GPHN: variants seen among roughly 807,000 people sequenced by gnomAD.
GPHN encodes gephyrin.
A neutral mutation model predicts 95.5 loss-of-function variants in GPHN; 17 were observed. The observed-to-expected ratio is 0.18, with a 90% CI of 0.12 to 0.27. The LOEUF (loss-of-function observed/expected upper bound fraction) is 0.27, where lower values mean the gene tolerates loss of function less well. Among genes scored for constraint, GPHN ranks in the 10% least tolerant of loss-of-function variants. The pLI is 1.00. For missense variants in GPHN, 660 were observed against 978.1 expected (o/e 0.67, Z 4.34); for synonymous variants, 320 against 322.5 (o/e 0.99, Z 0.08).
At chr14:66,711,587 C>CTTTT (rs57175111) in intron 2 of GPHN, among the ~76,000 whole-genome samples, 4 of 130,964 alleles carry the variant, frequency 3.1e-5, no homozygotes, top group Non-Finnish European at 6.7e-5. Context: ...AATGGTAGTT[C>CTTTT]TTTTTTTTTT....
the GPHN span, chr14:67,349,196 A>C: frequency 8.4e-7 from 1 of 1,194,868 alleles, no homozygotes; most frequent in South Asian, 1.3e-5. Context: ...AATGAGACCA[A>C]GAGTGAGATG....
the GPHN span, among the ~76,000 whole-genome samples, chr14:67,506,216 C>T: frequency 1.3e-5 from 2 of 152,182 alleles, no homozygotes; most frequent in East Asian, 1.9e-4. Context: ...TGGGACTCTG[C>T]TTCATAAAGC....
chr14:67,584,165 G>A, the GPHN span: 2 of 1,595,032 alleles, frequency 1.3e-6, no homozygotes, highest in Non-Finnish European at 1.7e-6. Flanking sequence ...CCTTAGGTGT[G>A]TCCCCAACTG....
the GPHN span, among the ~76,000 whole-genome samples, chr14:67,672,570 G>A: frequency 1.3e-5 from 2 of 151,134 alleles, no homozygotes; most frequent in African/African-American, 4.9e-5. Flanking sequence ...AGCCTCCTGA[G>A]TAGCTGGGAC....
At chr14:67,403,130 G>A in the GPHN span, among the ~76,000 whole-genome samples, 1 of 152,220 alleles carries the variant, frequency 6.6e-6, no homozygotes. Flanking sequence ...GGGGTGAGAT[G>A]ATATCCCATT....
intron 4 of GPHN, among the ~76,000 whole-genome samples, chr14:66,857,885 T>C (rs2062863564): frequency 6.6e-6 from 1 of 152,156 alleles, no homozygotes; most frequent in African/African-American, 2.4e-5. Flanking sequence ...TTGTGAGACG[T>C]AGCATTGGAC....
intron 1 of GPHN, among the ~76,000 whole-genome samples, chr14:66,534,986 C>T (rs1431407996): frequency 6.6e-6 from 1 of 152,010 alleles, no homozygotes; most frequent in Non-Finnish European, 1.5e-5. Context: ...TCTAATGAAC[C>T]TTAACTTATC....
At position 67,122,354 on chromosome 14, in the gene GPHN, C is replaced by A; in HGVS notation, c.1725C>A (p.Ile575=). 6.2e-7 allele frequency: 1 copy of A among 1,612,612 alleles called. No individual in the cohort carries two copies. The highest frequency in any genetic ancestry group is 1.1e-5 in the South Asian group (1 of 91,038). ...TTCAGGAACATGGTTACCCCACGAT[C>A]AACTTGGGTATTGTAGGAGACAAGT... ...ATIQEHGYPT[I]NLGIVGDNPD... Residue 575 remains isoleucine, a synonymous_variant, in exon 17 of 23, where the codon ATC becomes ATA. Coordinates refer to ENST00000478722, the MANE Select transcript of GPHN (RefSeq NM_020806.5).
the GPHN span, among the ~76,000 whole-genome samples, chr14:67,567,260 G>A: frequency 6.6e-6 from 1 of 152,148 alleles, no homozygotes; most frequent in African/African-American, 2.4e-5. Context: ...GGAATGAAAT[G>A]TCAGAGAACA....
chr14:66,866,063 A>G (rs1162586772), intron 4 of GPHN, among the ~76,000 whole-genome samples: 1 of 152,116 alleles, frequency 6.6e-6, no homozygotes, highest in Non-Finnish European at 1.5e-5. Flanking sequence ...CAGTAGATAC[A>G]ACCAGTTTCT....
intron 8 of GPHN, among the ~76,000 whole-genome samples, chr14:66,964,728 C>T (rs1416717332): frequency 6.6e-6 from 1 of 152,168 alleles, no homozygotes; most frequent in Non-Finnish European, 1.5e-5. Context: ...ACTCAGTCTT[C>T]TGCCAGTGCC....
At chr14:67,363,207 C>A in the GPHN span, among the ~76,000 whole-genome samples, 1 of 151,684 alleles carries the variant, frequency 6.6e-6, no homozygotes, top group Non-Finnish European at 1.5e-5. Flanking sequence ...AGTTTCCCCA[C>A]CCCCACCCTC....
intron 5 of GPHN, among the ~76,000 whole-genome samples, chr14:66,915,415 C>A (rs1028727805): frequency 6.6e-6 from 1 of 151,966 alleles, no homozygotes; most frequent in Non-Finnish European, 1.5e-5. Context: ...GTTTCTTAAC[C>A]AGTTAGTTTA....
intron 1 of GPHN, among the ~76,000 whole-genome samples, chr14:66,600,852 A>T (rs1377745889): frequency 3.9e-5 from 6 of 152,106 alleles, no homozygotes; most frequent in Admixed American, 3.9e-4. Context: ...ATAGGATGCA[A>T]ATCAGGTGAC....
At chr14:67,420,353 G>A in the GPHN span, among the ~76,000 whole-genome samples, 1 of 152,238 alleles carries the variant, frequency 6.6e-6, no homozygotes, top group East Asian at 1.9e-4. Flanking sequence ...AAAGAGGGGT[G>A]ACGCCAGCCC....
At chr14:66,757,327 G>GATAT (rs748164667) in intron 2 of GPHN, among the ~76,000 whole-genome samples, 30 of 142,364 alleles carry the variant, frequency 2.1e-4, no homozygotes, top group African/African-American at 8.5e-4. Flanking sequence ...ATTAAAAAGG[G>GATAT]ATATATATAT....
At chr14:67,038,321 A>G (rs1236335414) in intron 10 of GPHN, among the ~76,000 whole-genome samples, 2 of 152,108 alleles carry the variant, frequency 1.3e-5, no homozygotes, top group East Asian at 1.9e-4. Flanking sequence ...GAATTAGCCA[A>G]TGGATGTAAA....
chr14:67,396,846 T>C, the GPHN span, among the ~76,000 whole-genome samples: 1 of 152,256 alleles, frequency 6.6e-6, no homozygotes, highest in Non-Finnish European at 1.5e-5. Flanking sequence ...TCAGCAACTC[T>C]ATGAAGAAAC....
chr14:66,775,257 G>A (rs974237260), intron 2 of GPHN, among the ~76,000 whole-genome samples: 8 of 151,876 alleles, frequency 5.3e-5, no homozygotes, highest in Admixed American at 1.3e-4. Flanking sequence ...AGTCTCTTAC[G>A]TATGATACTC....
Sources: gnomAD v4.1 joint callset for allele counts (sites outside exome capture counted in the v4.1 genomes callset) on GRCh38, gnomAD v4.1.1 for gene constraint, MANE v1.5 for transcripts, NCBI Gene and HGNC (gene_info 2026-07-23, HGNC 2026-07-21) for gene names.